Variants in LRP1B observed in about 807,000 individuals in gnomAD.
LRP1B encodes the protein LDL receptor related protein 1B, also known as low-density lipoprotein receptor-related protein 1B.
In LRP1B, 217 loss-of-function variants were observed where a neutral mutation model predicts 556.6. That is an observed-to-expected ratio of 0.39 (90% confidence interval 0.35 to 0.44). LRP1B has a LOEUF of 0.44. LRP1B is among the 20% of genes least tolerant of loss of function. LRP1B has a pLI of 1.00. For missense variants in LRP1B, 5,053 were observed against 5,620.8 expected (o/e 0.90, Z 3.23); for synonymous variants, 2,047 against 1,865.8 (o/e 1.10, Z -2.50).
intron 6 of LRP1B, among the ~76,000 whole-genome samples, chr2:141,215,956 C>T (rs757441144): frequency 6.6e-6 from 1 of 152,160 alleles, no homozygotes. Context: ...GGCTGCTGAG[C>T]AAATACTTGC....
chr2:141,897,695 A>G lies in LRP1B; in HGVS notation c.83-87294T>C, dbSNP rs146749975. 9.0e-3 allele frequency among the ~76,000 whole-genome samples: 1,375 copies of G among 152,260 alleles called. 12 individuals carry two copies. Among genetic ancestry groups the G allele is most frequent in the South Asian group, 0.04 (195 of 4,824 alleles). Reference sequence around the variant, plus strand: ...TTTGACTGACTGCTTTTTGGTGTGGAAAACTGTTTAATATAAAGAAACTAA... The same window carrying G: ...TTTGACTGACTGCTTTTTGGTGTGGGAAACTGTTTAATATAAAGAAACTAA... On this transcript the variant is annotated intron_variant, in intron 1 of 90. Transcript: ENST00000389484.
intron 41 of LRP1B, among the ~76,000 whole-genome samples, chr2:140,617,295 A>T (rs1204845947): frequency 6.6e-6 from 1 of 152,156 alleles, no homozygotes; most frequent in Non-Finnish European, 1.5e-5. Context: ...AATATCACAC[A>T]GATAACTGTA....
chr2:140,685,069 C>A (rs986290788), intron 41 of LRP1B, among the ~76,000 whole-genome samples: 1 of 152,058 alleles, frequency 6.6e-6, no homozygotes, highest in Non-Finnish European at 1.5e-5. Flanking sequence ...TGCAAATATT[C>A]AAAAAACACT....
chr2:140,283,930 G>A (rs139733210), intron 84 of LRP1B, among the ~76,000 whole-genome samples: 2 of 151,814 alleles, frequency 1.3e-5, no homozygotes, highest in African/African-American at 4.8e-5. Flanking sequence ...AGCAAGCTGA[G>A]TTGCAGATGA....
At chr2:141,487,024 C>T (rs1052379850) in intron 2 of LRP1B, among the ~76,000 whole-genome samples, 2 of 152,126 alleles carry the variant, frequency 1.3e-5, no homozygotes, top group East Asian at 1.9e-4. Context: ...TCTCAGGCCT[C>T]TTATATTCTA....
intron 31 of LRP1B, among the ~76,000 whole-genome samples, chr2:140,814,507 A>T (rs1382406692): frequency 6.6e-6 from 1 of 152,184 alleles, no homozygotes; most frequent in African/African-American, 2.4e-5. Flanking sequence ...TGCCCTCTTC[A>T]TTATGCCACT....
intron 41 of LRP1B, among the ~76,000 whole-genome samples, chr2:140,679,672 G>A (rs746450550): frequency 6.6e-6 from 1 of 152,032 alleles, no homozygotes; most frequent in Non-Finnish European, 1.5e-5. Context: ...CAGTTTCAAC[G>A]ACCCCTTTAT....
At chr2:140,403,988 C>T (rs1433973489) in intron 66 of LRP1B, among the ~76,000 whole-genome samples, 1 of 152,068 alleles carries the variant, frequency 6.6e-6, no homozygotes, top group African/African-American at 2.4e-5. Flanking sequence ...AACAGAATAA[C>T]TGTCAGCCAA....
intron 1 of LRP1B, among the ~76,000 whole-genome samples, chr2:141,883,720 C>A (rs1699026347): frequency 6.6e-6 from 1 of 151,790 alleles, no homozygotes; most frequent in Non-Finnish European, 1.5e-5. Flanking sequence ...TGAGACCCAT[C>A]TCAAAAAAAC....
intron 1 of LRP1B, among the ~76,000 whole-genome samples, chr2:141,873,948 G>A (rs1269198221): frequency 2.0e-5 from 3 of 151,776 alleles, no homozygotes; most frequent in African/African-American, 4.8e-5. Flanking sequence ...GCCAGATCAA[G>A]ACATACAATA....
chr2:141,424,893 G>C (rs542688422), intron 3 of LRP1B, among the ~76,000 whole-genome samples: 9 of 152,224 alleles, frequency 5.9e-5, no homozygotes, highest in African/African-American at 2.2e-4. Flanking sequence ...TCAAAGGAAT[G>C]CAAAATTGTG....
intron 1 of LRP1B, among the ~76,000 whole-genome samples, chr2:142,090,346 C>T (rs1457306386): frequency 6.6e-6 from 1 of 152,010 alleles, no homozygotes; most frequent in Non-Finnish European, 1.5e-5. Flanking sequence ...TCATAACAAC[C>T]TTGTAATTTA....
chr2:141,783,427 G>A (rs1303922289), intron 2 of LRP1B, among the ~76,000 whole-genome samples: 2 of 151,900 alleles, frequency 1.3e-5, no homozygotes, highest in Non-Finnish European at 2.9e-5. Context: ...ATACATGAAC[G>A]TAGTCTCTCT....
At chr2:140,315,552 A>G (rs1337555382) in intron 82 of LRP1B, among the ~76,000 whole-genome samples, 1 of 152,106 alleles carries the variant, frequency 6.6e-6, no homozygotes, top group East Asian at 1.9e-4. Context: ...AGCTGGGACT[A>G]TATTGTGCAC....
intron 3 of LRP1B, among the ~76,000 whole-genome samples, chr2:141,317,431 T>C (rs1454254210): frequency 2.6e-5 from 4 of 152,154 alleles, no homozygotes; most frequent in African/African-American, 7.2e-5. Flanking sequence ...CTCTTTGTTT[T>C]TTTGTAAGGA....
At chr2:142,117,866 C>T (rs1292028231) in intron 1 of LRP1B, among the ~76,000 whole-genome samples, 1 of 152,140 alleles carries the variant, frequency 6.6e-6, no homozygotes, top group Non-Finnish European at 1.5e-5. Context: ...TTCTGACCAG[C>T]CTGGCTGCTA....
At chr2:141,471,279 T>G (rs13426170) in intron 3 of LRP1B, among the ~76,000 whole-genome samples, 4 of 134,762 alleles carry the variant, frequency 3.0e-5, no homozygotes, top group African/African-American at 5.5e-5. Flanking sequence ...TTTTTTTTTT[T>G]TTTTTTTTTT....
At chr2:140,376,918 A>C (rs761058717) in intron 68 of LRP1B, among the ~76,000 whole-genome samples, 4 of 152,154 alleles carry the variant, frequency 2.6e-5, no homozygotes, top group African/African-American at 9.7e-5. Flanking sequence ...GGGAACAAAC[A>C]CAGAAACCTC....
intron 2 of LRP1B, among the ~76,000 whole-genome samples, chr2:141,776,759 A>G (rs1695092216): frequency 6.6e-6 from 1 of 152,238 alleles, no homozygotes; most frequent in Non-Finnish European, 1.5e-5. Flanking sequence ...ATGAGATGCT[A>G]TACTTGAAGT....
Sources: gnomAD v4.1 joint callset for allele counts (sites outside exome capture counted in the v4.1 genomes callset) on GRCh38, gnomAD v4.1.1 for gene constraint, MANE v1.5 for transcripts, NCBI Gene and HGNC (gene_info 2026-07-23, HGNC 2026-07-21) for gene names.